NRXN3: variants seen among roughly 807,000 people sequenced by gnomAD.
NRXN3 encodes neurexin 3, also known as neurexin III.
Under a neutral mutation model 137.6 loss-of-function variants are expected in NRXN3, and 32 were observed. That is an observed-to-expected ratio of 0.23 (90% confidence interval 0.18 to 0.31). The LOEUF is 0.31. NRXN3 is among the 10% of genes least tolerant of loss of function. NRXN3 has a pLI of 1.00. For missense variants in NRXN3, 1,574 were observed against 2,062.5 expected (o/e 0.76, Z 4.59); for synonymous variants, 798 against 784.5 (o/e 1.02, Z -0.29).
At chr14:79,330,307 G>A (rs974597344) in intron 15 of NRXN3, among the ~76,000 whole-genome samples, 1 of 152,102 alleles carries the variant, frequency 6.6e-6, no homozygotes, top group East Asian at 1.9e-4. Flanking sequence ...TGATTCCAGA[G>A]GAATTTTAAG....
chr14:78,869,781 A>C (rs1465595696), intron 10 of NRXN3, among the ~76,000 whole-genome samples: 1 of 152,210 alleles, frequency 6.6e-6, no homozygotes, highest in East Asian at 1.9e-4. Flanking sequence ...AGAAAAAATT[A>C]TAGAAGGACA....
At chr14:79,044,074 A>G (rs991099085) in intron 15 of NRXN3, among the ~76,000 whole-genome samples, 7 of 152,204 alleles carry the variant, frequency 4.6e-5, no homozygotes, top group Admixed American at 3.9e-4. Flanking sequence ...GCAAAATCCC[A>G]CTGGCTAAAA....
At chr14:79,769,937 A>C (rs953028673) in intron 19 of NRXN3, among the ~76,000 whole-genome samples, 1 of 152,154 alleles carries the variant, frequency 6.6e-6, no homozygotes, top group African/African-American at 2.4e-5. Flanking sequence ...AGATCTACCA[A>C]GCAAATGGAA....
chr14:78,513,688 T>C (rs1426172953), intron 4 of NRXN3, among the ~76,000 whole-genome samples: 1 of 152,200 alleles, frequency 6.6e-6, no homozygotes, highest in Non-Finnish European at 1.5e-5. Context: ...TGAGATTTGT[T>C]GGATTGAAAT....
intron 15 of NRXN3, among the ~76,000 whole-genome samples, chr14:79,343,694 A>T (rs1786157071): frequency 6.6e-6 from 1 of 152,228 alleles, no homozygotes; most frequent in Non-Finnish European, 1.5e-5. Context: ...TTTTTGTCCC[A>T]TCAATCTCAG....
intron 15 of NRXN3, among the ~76,000 whole-genome samples, chr14:79,386,061 T>C (rs2094606072): frequency 6.6e-6 from 1 of 152,122 alleles, no homozygotes; most frequent in Non-Finnish European, 1.5e-5. Flanking sequence ...GGATGTCCTC[T>C]CTCACCACTC....
chr14:79,265,158 G>A (rs977144493), intron 15 of NRXN3, among the ~76,000 whole-genome samples: 23 of 150,074 alleles, frequency 1.5e-4, no homozygotes, highest in Middle Eastern at 3.4e-3. Flanking sequence ...GATCATCTTC[G>A]TGTAACATAA....
chr14:78,384,009 G>A (rs931575576), intron 4 of NRXN3, among the ~76,000 whole-genome samples: 1 of 152,218 alleles, frequency 6.6e-6, no homozygotes, highest in African/African-American at 2.4e-5. Flanking sequence ...TTGATTATCT[G>A]TAAGGAGTAA....
chr14:79,252,502 T>C (rs1355180743), intron 15 of NRXN3, among the ~76,000 whole-genome samples: 2 of 152,108 alleles, frequency 1.3e-5, no homozygotes, highest in East Asian at 3.9e-4. Flanking sequence ...AAAATGTCCA[T>C]TTTGCATATA....
At chr14:78,324,359 A>G (rs1226673384) in intron 4 of NRXN3, among the ~76,000 whole-genome samples, 1 of 152,054 alleles carries the variant, frequency 6.6e-6, no homozygotes, top group African/African-American at 2.4e-5. Flanking sequence ...CAGCTGAGAC[A>G]CCTGCTCACA....
chr14:79,293,076 G>C (rs145288591), intron 15 of NRXN3, among the ~76,000 whole-genome samples: 1 of 152,184 alleles, frequency 6.6e-6, no homozygotes, highest in African/African-American at 2.4e-5. Context: ...CATGTTTCTT[G>C]TTTTTTCCAT....
intron 8 of NRXN3, among the ~76,000 whole-genome samples, chr14:78,797,803 G>C (rs988711604): frequency 3.9e-5 from 6 of 152,116 alleles, no homozygotes; most frequent in African/African-American, 7.2e-5. Flanking sequence ...AAGGTAAAAG[G>C]CACCTCTTAC....
chr14:79,486,609 A>C (rs1358668983), intron 16 of NRXN3, among the ~76,000 whole-genome samples: 2 of 152,106 alleles, frequency 1.3e-5, no homozygotes. Context: ...TAGTTCAGAC[A>C]CTCATTTTAG....
At chr14:79,150,037 GT>G (rs201174811) in intron 15 of NRXN3, among the ~76,000 whole-genome samples, 16 of 151,162 alleles carry the variant, frequency 1.1e-4, no homozygotes, top group Admixed American at 4.6e-4. Context: ...TTTCCCCACT[GT>G]TTTTTTTTAA....
intron 15 of NRXN3, among the ~76,000 whole-genome samples, chr14:79,218,252 C>T (rs1008882300): frequency 6.6e-5 from 10 of 152,184 alleles, no homozygotes; most frequent in African/African-American, 2.4e-4. Context: ...ATCTGCTGGA[C>T]AGATCCACTA....
rs1050171235 is a variant in NRXN3, at chr14:79,770,318, T to C, written c.4015-34794T>C. 8.8e-4 allele frequency among the ~76,000 whole-genome samples: 133 copies of C among 151,990 alleles called. 1 individual carries two copies. The highest frequency in any genetic ancestry group is 3.2e-3 in the Middle Eastern group (1 of 316). On this transcript the variant is annotated intron_variant, in intron 19 of 20. Transcript: ENST00000335750. Reference sequence around the variant, plus strand: ...CTCTCCACCCCAAATCAACAGACTATACATTTTTTTCAGCACCACACCACA... The same window carrying C: ...CTCTCCACCCCAAATCAACAGACTACACATTTTTTTCAGCACCACACCACA...
chr14:78,816,652 G>T (rs2098934301), intron 10 of NRXN3, among the ~76,000 whole-genome samples: 1 of 152,082 alleles, frequency 6.6e-6, no homozygotes, highest in Non-Finnish European at 1.5e-5. Context: ...TGTATAAGAA[G>T]ATCTATTGGA....
rs60596302 is a variant in NRXN3 at position 79,284,343 on chromosome 14, CATATATATATAT to C, written c.3263-182847_3263-182836del. Among the ~76,000 whole-genome samples the C allele has an allele frequency of 9.1e-3, 590 of 65,100 alleles. 8 individuals are homozygous for C. The highest frequency in any genetic ancestry group is 0.012 in the Non-Finnish European group (395 of 33,984). The allele number at this position is 65,100 out of a possible 152,430, so 42.7% of individuals were successfully genotyped here. A position where few individuals can be genotyped will look rare whatever the true frequency, so the allele number is the denominator to read the frequency against. ...GGAAACCCCGTCTCTACTAAAAATA[CATATATATATAT>C]ATATATATATATATATATATATATA... On this transcript the variant is annotated intron_variant, in intron 15 of 20. Transcript: ENST00000335750.
intron 15 of NRXN3, among the ~76,000 whole-genome samples, chr14:79,160,536 C>A (rs1354090993): frequency 6.6e-6 from 1 of 151,948 alleles, no homozygotes; most frequent in African/African-American, 2.4e-5. Flanking sequence ...TCCTTCCCTC[C>A]TTTACTGAAT....
Sources: gnomAD v4.1 joint callset for allele counts (sites outside exome capture counted in the v4.1 genomes callset) on GRCh38, gnomAD v4.1.1 for gene constraint, MANE v1.5 for transcripts, NCBI Gene and HGNC (gene_info 2026-07-23, HGNC 2026-07-21) for gene names.